The following TMEM225B variants were observed in gnomAD, a reference collection of about 807,000 sequenced individuals.
The protein encoded by TMEM225B is transmembrane protein 225-like.
A neutral mutation model predicts 16.9 loss-of-function variants in TMEM225B; 10 were observed. The ratio of observed to expected loss-of-function variants is 0.59; its 90% confidence interval spans 0.36 to 1.00. The LOEUF (loss-of-function observed/expected upper bound fraction) is 1.00, where lower values mean the gene tolerates loss of function less well. TMEM225B is among the 50% of genes least tolerant of loss of function. The pLI is 0.01. For synonymous variants in TMEM225B, 92 were observed against 109.8 expected, an observed-to-expected ratio of 0.84 and a Z score of 1.01; for missense variants, 217 against 267.0, an observed-to-expected ratio of 0.81 and a Z score of 1.30.
chr7:99,600,438 G>A (rs145148508), intron 2 of TMEM225B, among the ~76,000 whole-genome samples, 153 bp downstream of exon 2: 21 of 152,238 alleles, frequency 1.4e-4, no homozygotes, highest in African/African-American at 4.3e-4. Context: ...AGGTGTATTA[G>A]TCTGTTCTCA....
At chr7:99,603,693 TA>T (rs770224583) in intron 2 of TMEM225B, among the ~76,000 whole-genome samples, 668 of 137,886 alleles carry the variant, frequency 4.8e-3, no homozygotes, top group Non-Finnish European at 4.2e-3. Context: ...GACTCCATCT[TA>T]AAAAAAAAAA....
At chr7:99,600,746 C>T (rs966796658) in intron 2 of TMEM225B, among the ~76,000 whole-genome samples, 2 of 152,154 alleles carry the variant, frequency 1.3e-5, no homozygotes, top group African/African-American at 4.8e-5. Context: ...TATTACAATG[C>T]AAGGTGAGAT....
rs923929229 is a variant in TMEM225B at position 99,610,805 on chromosome 7, A to G, written c.*240A>G. 1.2e-4 allele frequency: 49 copies of G among 407,360 alleles called. No individual in the cohort carries two copies. Among genetic ancestry groups the G allele is most frequent in the South Asian group, 2.4e-4 (5 of 20,450 alleles). 25.2% of individuals were successfully genotyped at this position (407,360 alleles called of 1,614,324 possible). A position where few individuals can be genotyped will look rare whatever the true frequency, so the allele number is the denominator to read the frequency against. Reference sequence around the variant, plus strand: ...TGACGTTTTTGCAGGTATTTTCAATAAAAAGAAGGGCTACTTTGTTCATCC... The same window carrying G: ...TGACGTTTTTGCAGGTATTTTCAATGAAAAGAAGGGCTACTTTGTTCATCC... On this transcript the variant is annotated 3_prime_UTR_variant, in exon 6 of 6. Transcript: ENST00000431679.
intron 5 of TMEM225B, 81 bp downstream of exon 5, chr7:99,607,891 G>T: frequency 7.0e-7 from 1 of 1,437,880 alleles, no homozygotes; most frequent in Non-Finnish European, 9.3e-7. Flanking sequence ...CCTCCCTTTG[G>T]ATTCTCTAGA....
chr7:99,602,771 G>A (rs764942853), intron 2 of TMEM225B, among the ~76,000 whole-genome samples: 8 of 152,032 alleles, frequency 5.3e-5, no homozygotes, highest in South Asian at 2.1e-4. Context: ...GGAGTACGGC[G>A]GCATGATCAT....
intron 2 of TMEM225B, among the ~76,000 whole-genome samples, chr7:99,602,315 G>A (rs1005932553): frequency 5.3e-5 from 8 of 152,202 alleles, no homozygotes; most frequent in African/African-American, 1.4e-4. Flanking sequence ...AAGCAGATTC[G>A]TTGAAACAAT....
At chr7:99,603,905 GGT>G (rs1805571020) in intron 2 of TMEM225B, among the ~76,000 whole-genome samples, 1 of 152,092 alleles carries the variant, frequency 6.6e-6, no homozygotes, top group African/African-American at 2.4e-5. Context: ...TGGGACTACA[GGT>G]GTGCAACACC....
At chr7:99,603,108 G>A (rs560823342) in intron 2 of TMEM225B, among the ~76,000 whole-genome samples, 47 of 152,126 alleles carry the variant, frequency 3.1e-4, no homozygotes, top group South Asian at 6.2e-4. Flanking sequence ...CCTTCACTGA[G>A]GGCCCAGGCT....
intron 5 of TMEM225B, among the ~76,000 whole-genome samples, chr7:99,609,926 G>A (rs555266590): frequency 2.0e-5 from 3 of 152,034 alleles, no homozygotes; most frequent in South Asian, 2.1e-4. Context: ...TGGTAAACAC[G>A]AGGTCTTGCT....
intron 1 of TMEM225B, among the ~76,000 whole-genome samples, chr7:99,599,253 G>A (rs1295060456): frequency 6.6e-6 from 1 of 151,840 alleles, no homozygotes; most frequent in Non-Finnish European, 1.5e-5. Flanking sequence ...GGGATTACAG[G>A]CGTGAGCCAC....
At chr7:99,599,064 A>G (rs1219712527) in intron 1 of TMEM225B, among the ~76,000 whole-genome samples, 3 of 150,456 alleles carry the variant, frequency 2.0e-5, no homozygotes, top group Non-Finnish European at 1.5e-5. Flanking sequence ...GGTTCACGCC[A>G]TTCTCCTGCC....
intron 3 of TMEM225B, 84 bp from the exon 4 acceptor site, chr7:99,606,664 G>A: frequency 3.0e-6 from 4 of 1,352,726 alleles, no homozygotes; most frequent in East Asian, 2.5e-5. Flanking sequence ...GGCTCCGGGG[G>A]CCAGCCCTGC....
intron 5 of TMEM225B, among the ~76,000 whole-genome samples, chr7:99,608,786 T>G (rs1299376996): frequency 2.0e-5 from 3 of 149,916 alleles, no homozygotes; most frequent in Non-Finnish European, 4.4e-5. Context: ...TGCACATATA[T>G]ATGTATGTGT....
chr7:99,607,476 G>A (rs913487173), intron 4 of TMEM225B, among the ~76,000 whole-genome samples, 197 bp from the exon 5 acceptor site: 5 of 152,196 alleles, frequency 3.3e-5, no homozygotes, highest in Admixed American at 6.5e-5. Context: ...TCTGATGATG[G>A]TTCCCTGGAA....
At chr7:99,602,921 T>C in intron 2 of TMEM225B, among the ~76,000 whole-genome samples, 1 of 152,148 alleles carries the variant, frequency 6.6e-6, no homozygotes, top group Non-Finnish European at 1.5e-5. Flanking sequence ...TCTGACTGTG[T>C]TGCCTAGGCT....
chr7:99,598,941 C>T (rs1041189954), intron 1 of TMEM225B, among the ~76,000 whole-genome samples: 1 of 152,156 alleles, frequency 6.6e-6, no homozygotes, highest in African/African-American at 2.4e-5. Context: ...CTTTTCTTAC[C>T]TCCTGGTGTT....
chr7:99,607,996 T>C (rs957369087), intron 5 of TMEM225B, among the ~76,000 whole-genome samples, 186 bp downstream of exon 5: 5 of 152,250 alleles, frequency 3.3e-5, no homozygotes, highest in Non-Finnish European at 5.9e-5. Flanking sequence ...GGTTCACACC[T>C]GTAATTCCAG....
chr7:99,607,002 T>C (rs1349464174), intron 4 of TMEM225B, 108 bp downstream of exon 4: 3 of 1,285,698 alleles, frequency 2.3e-6, no homozygotes, highest in Non-Finnish European at 3.2e-6. Flanking sequence ...AATTTTTCTT[T>C]TTAGGGACAG....
At chr7:99,602,444 T>A (rs150000791) in intron 2 of TMEM225B, among the ~76,000 whole-genome samples, 18 of 152,356 alleles carry the variant, frequency 1.2e-4, no homozygotes, top group African/African-American at 3.8e-4. Context: ...TGCTCAGCAC[T>A]GTGTTGGACA....
Sources: allele counts gnomAD v4.1 joint callset (sites outside exome capture counted in the v4.1 genomes callset), GRCh38; gene constraint gnomAD v4.1.1; transcripts MANE v1.5; gene names NCBI Gene and HGNC (gene_info 2026-07-23, HGNC 2026-07-21).